The following SMC1A variants were observed in gnomAD, a reference collection of about 807,000 sequenced individuals.
SMC1A encodes structural maintenance of chromosomes 1A.
SMC1A carries 4 observed loss-of-function variants against 94.5 expected under a neutral mutation model. The ratio of observed to expected loss-of-function variants is 0.04; its 90% CI spans 0.02 to 0.10. SMC1A has a LOEUF of 0.10. Among genes scored for constraint, SMC1A ranks in the 10% least tolerant of loss-of-function variants. The pLI is 1.00. For missense variants in SMC1A, 304 were observed against 989.0 expected (o/e 0.31, Z 9.29); for synonymous variants, 345 against 347.7 (o/e 0.99, Z 0.09).
At chrX:53,392,554 G>A (rs1030367715) in intron 19 of SMC1A, among the ~76,000 whole-genome samples, 9 of 110,595 alleles carry the variant, frequency 8.1e-5, no homozygotes, top group East Asian at 2.9e-4. Flanking sequence ...GGGTTCAGGC[G>A]ATTCTGCCTC....
At chrX:53,394,037 T>G in intron 19 of SMC1A, among the ~76,000 whole-genome samples, 1 of 106,690 alleles carries the variant, frequency 9.4e-6, no homozygotes, top group Non-Finnish European at 1.9e-5. Context: ...TAATCTCAGC[T>G]ACTTGGGAGG....
intron 3 of SMC1A, 35 bp downstream of exon 3, chrX:53,414,723 A>G (rs1556891033): frequency 1.0e-6 from 1 of 964,493 alleles, no homozygotes; most frequent in East Asian, 3.1e-5. Flanking sequence ...GGTCTGGCAA[A>G]AACCAGATAG....
rs375853850 is a variant in SMC1A, at chrX:53,412,078, C to G, written c.1030G>C (p.Glu344Gln). 8.3e-7 allele frequency: 1 copy of G among 1,209,378 alleles called. No individual in the cohort carries two copies. The highest frequency in any genetic ancestry group is 1.1e-6 in the Non-Finnish European group (1 of 894,771). Residue 344 changes from glutamate to glutamine, a missense_variant, in exon 6 of 25, where the codon GAG becomes CAG. Transcript: ENST00000322213. Reference protein sequence around the residue: ...DELEKEMLSVEKARQEFEERM... With the variant: ...DELEKEMLSVQKARQEFEERM... ...TCTTCAAACTCCTGCCGAGCCTTCT[C>G]CACTGACAGCATCTCCTTCTCCAGC...
rs370671274 is a variant in SMC1A, at chrX:53,412,998, G to C, written c.756C>G (p.Asp252Glu). 2.5e-6 allele frequency: 3 copies of C among 1,206,018 alleles called. No homozygotes were observed. Among genetic ancestry groups the C allele is most frequent in the Non-Finnish European group, 3.4e-6 (3 of 890,791 alleles). The change falls in exon 5 of 25, where the codon GAC becomes GAG. Residue 252 changes from aspartate (D) to glutamate (E), a missense_variant. Transcript: ENST00000322213. ...CCTCCACCTTGTCCATACGCTTCTT[G>C]TCCTTCTCGATCTCCTTGTTCTTTG... The part of the protein sequence containing the change: ...LASKNKEIEK[D>E]KKRMDKVEDE...
intron 20 of SMC1A, 57 bp downstream of exon 20, chrX:53,383,040 G>T: frequency 9.1e-7 from 1 of 1,102,581 alleles, no homozygotes; most frequent in Non-Finnish European, 1.2e-6. Context: ...GCAGGCCCGT[G>T]GCATACCCTT....
chrX:53,385,554 T>C (rs1199310987), intron 19 of SMC1A, among the ~76,000 whole-genome samples: 1 of 110,130 alleles, frequency 9.1e-6, no homozygotes, highest in African/African-American at 3.3e-5. Context: ...GGATTACAGG[T>C]GTGAGCCACC....
At chrX:53,416,117 T>C (rs2146607480) in intron 1 of SMC1A, among the ~76,000 whole-genome samples, 1 of 107,009 alleles carries the variant, frequency 9.3e-6, no homozygotes, top group Non-Finnish European at 1.9e-5. Context: ...GCCTGACCAA[T>C]ATGGTGAAAC....
rs782468051 is a variant in SMC1A at position 53,405,000 on chromosome X, G to T, written c.2196+12C>A. Reference sequence around the variant, plus strand: ...TGGCCTTTGGAGAACAGGGCTGAAGGCCAGGCCCCACCTGCAGATTCAGGG... The same window carrying T: ...TGGCCTTTGGAGAACAGGGCTGAAGTCCAGGCCCCACCTGCAGATTCAGGG... On this transcript the variant is annotated intron_variant, in intron 13 of 24. Transcript: ENST00000322213. 4 of 1,191,410 alleles carry T rather than the reference G, an allele frequency of 3.4e-6. No individual in the cohort carries two copies. Among genetic ancestry groups the T allele is most frequent in the Non-Finnish European group, 3.4e-6 (3 of 886,746 alleles).
In SMC1A at chrX:53,376,954, CT is replaced by C. The variant is rs1323357005; in HGVS notation, c.*3148del. 5 of 111,978 alleles carry C rather than the reference CT, an allele frequency of 4.5e-5. No individual in the cohort carries two copies. Among genetic ancestry groups the C allele is most frequent in the African/African-American group, 1.3e-4 (4 of 30,753 alleles). 9.2% of individuals were successfully genotyped at this position (111,978 alleles called of 1,213,427 possible). A position where few individuals can be genotyped will look rare whatever the true frequency, so the allele number is the denominator to read the frequency against. ...GATACTGTTGTGGAGTACTCTTCAA[CT>C]CCCTACAGCAAGGCTACTGCGTCCA... is the stretch of plus-strand genomic sequence containing the variant. On this transcript the variant is annotated 3_prime_UTR_variant, in exon 25 of 25. Transcript: ENST00000322213.
chrX:53,415,646 G>C (rs782594089), intron 1 of SMC1A, among the ~76,000 whole-genome samples: 1 of 100,579 alleles, frequency 9.9e-6, no homozygotes, highest in South Asian at 4.6e-4. Context: ...TAGCCTGGGC[G>C]ACAGAGCGAG....
chrX:53,394,812 T>G lies in SMC1A; in HGVS notation c.2939A>C (p.Glu980Ala), dbSNP rs1166149209. 9.5e-7 allele frequency: 1 copy of G among 1,057,103 alleles called. No homozygotes were observed. The highest frequency in any genetic ancestry group is 1.3e-6 in the Non-Finnish European group (1 of 799,747). The allele number at this position is 1,057,103 out of a possible 1,213,427, so 87.1% of individuals were successfully genotyped here. The change falls in exon 19 of 25, where the codon GAG becomes GCG. Residue 980 changes from glutamate (E) to alanine (A), a missense_variant. By Grantham distance (107) the Glu-to-Ala change is moderately radical (BLOSUM62 -1). Around this residue, in one of 11 missense-constraint regions of SMC1A, gnomAD observed 17 missense variants for 44.7 expected, o/e 0.38. Coordinates refer to ENST00000322213, the MANE Select transcript of SMC1A (RefSeq NM_006306.4). ...CTCACACAGATCACCGTAGTCAATC[T>G]CAATGAGGGCCTCTCGTGCATAGAT... ...SSIYAREALI[E>A]IDYGDLCEDL... is the part of the protein sequence containing the mutation.
At position 53,376,413 on chromosome X, in the gene SMC1A, G is replaced by A. The variant is rs1210322235; in HGVS notation, c.*3690C>T. The A allele has an allele frequency of 9.0e-6, 1 of 111,316 alleles. No homozygotes were observed. The highest frequency in any genetic ancestry group is 3.3e-5 in the African/African-American group (1 of 30,585). 9.2% of individuals were successfully genotyped at this position (111,316 alleles called of 1,213,427 possible). On this transcript the variant is annotated 3_prime_UTR_variant, in exon 25 of 25. Transcript: ENST00000322213. ...ACTTAATGAATGTTTTAGGGGCCGG[G>A]GCCCAGAATGCCGTACCTGTTTGTG...
At chrX:53,402,885 A>AAAAAAAAAAAAAAAAAAAAAAAAC (rs1447321369) in intron 15 of SMC1A, among the ~76,000 whole-genome samples, 1 of 86,961 alleles carries the variant, frequency 1.1e-5, no homozygotes, top group African/African-American at 4.5e-5. Context: ...AAAAAAAAAA[A>AAAAAAAAAAAAAAAAAAAAAAAAC]GGGCCGGCAA....
At position 53,403,950 on chromosome X, in the gene SMC1A, C is replaced by A; in HGVS notation, c.2197-57G>T. ...ACCAGGCTCCTTGGAGAAAAAGCTA[C>A]CTTGACTGCATTGGCCCCACAGTCA... On this transcript the variant is annotated intron_variant, in intron 13 of 24. Transcript: ENST00000322213. 4.7e-6 allele frequency: 4 copies of A among 850,175 alleles called. No individual in the cohort carries two copies. The African/African-American group carries it at 5.9e-5, about 13-fold the overall frequency. 70.1% of individuals were successfully genotyped at this position (850,175 alleles called of 1,213,427 possible).
At chrX:53,398,519 A>G (rs1188838821) in intron 16 of SMC1A, among the ~76,000 whole-genome samples, 7 of 111,614 alleles carry the variant, frequency 6.3e-5, no homozygotes, top group Middle Eastern at 4.6e-3. Context: ...CATTTGTTGC[A>G]CTGAATTTAC....
chrX:53,415,227 G>C lies in SMC1A; in HGVS notation c.110-58C>G, dbSNP rs782063231. 3.9e-6 allele frequency: 4 copies of C among 1,014,207 alleles called. No individual in the cohort carries two copies. In the East Asian group the frequency reaches 1.2e-4, roughly 31 times the overall value. 83.6% of individuals were successfully genotyped at this position (1,014,207 alleles called of 1,213,427 possible). On this transcript the variant is annotated intron_variant, in intron 1 of 24. Coordinates refer to ENST00000322213, the MANE Select transcript of SMC1A (RefSeq NM_006306.4). ...AGTCAGGATGAAGAGGAGAGGAAAA[G>C]GAATAAAGATATTGAGATGAACAAA...
At chrX:53,416,022 C>A (rs1408228078) in intron 1 of SMC1A, among the ~76,000 whole-genome samples, 1 of 110,753 alleles carries the variant, frequency 9.0e-6, no homozygotes, top group African/African-American at 3.3e-5. Context: ...ATAAAGTGGG[C>A]CGGGCATGGT....
rs782154851 is a variant in SMC1A, at chrX:53,405,690, G to C, written c.1732-18C>G. The C allele has an allele frequency of 1.7e-6, 2 of 1,210,994 alleles. No individual in the cohort carries two copies. The highest frequency in any genetic ancestry group is 2.2e-6 in the Non-Finnish European group (2 of 894,850). On this transcript the variant is annotated intron_variant, in intron 10 of 24. Transcript: ENST00000322213. Reference sequence around the variant, plus strand: ...GGCTTCACCTGTGGGGAGAAGCTCAGTCAGTGGCAGAACACAAACAGGGAG... The same window carrying C: ...GGCTTCACCTGTGGGGAGAAGCTCACTCAGTGGCAGAACACAAACAGGGAG...
chrX:53,394,734 C>T, intron 19 of SMC1A, 44 bp downstream of exon 19: 1 of 453,528 alleles, frequency 2.2e-6, no homozygotes. Flanking sequence ...GTCCCACTCC[C>T]ACCCAACCCC....
Sources: allele counts gnomAD v4.1 joint callset (sites outside exome capture counted in the v4.1 genomes callset), GRCh38; gene constraint gnomAD v4.1.1; regional missense constraint gnomAD v4.1.1; transcripts MANE v1.5; gene names NCBI Gene and HGNC (gene_info 2026-07-23, HGNC 2026-07-21).